Variants in DSP observed in about 807,000 individuals in gnomAD.
DSP encodes desmoplakin, also known as 250/210 kDa paraneoplastic pemphigus antigen.
In DSP, 114 loss-of-function variants were observed where a neutral mutation model predicts 290.6. That is an observed-to-expected ratio of 0.39 (90% CI 0.34 to 0.46). The LOEUF is 0.46. Ranked by LOEUF, DSP falls within the 20% of genes least tolerant of loss-of-function variation. The pLI, the probability that DSP is intolerant of heterozygous loss-of-function variation, is 0.99. For missense variants in DSP, 3,230 were observed against 3,495.8 expected (o/e 0.92, Z 1.92); for synonymous variants, 1,311 against 1,316.4 (o/e 1.00, Z 0.09).
At chr6:7,562,442 C>T (rs1758725055) in intron 4 of DSP, among the ~76,000 whole-genome samples, 1 of 151,648 alleles carries the variant, frequency 6.6e-6, no homozygotes, top group Non-Finnish European at 1.5e-5. Flanking sequence ...CTTCTCTGCC[C>T]ATCTTGAGCT....
chr6:7,570,616 C>T lies in DSP; in HGVS notation c.1701+53C>T, dbSNP rs575293141. 50 of 1,609,516 alleles carry T rather than the reference C, an allele frequency of 3.1e-5. No individual in the cohort carries two copies. The East Asian group carries it at 3.3e-4, about 11-fold the overall frequency. On this transcript the variant is annotated intron_variant, in intron 13 of 23. Coordinates refer to ENST00000379802, the MANE Select transcript of DSP (RefSeq NM_004415.4). ...CTGGAGGGAGGGCAGCGCTGCCCCC[C>T]GCAGTGCCTGTGTCCAACAGTTCAA...
At chr6:7,572,360 CA>C (rs1369870110) in intron 15 of DSP, among the ~76,000 whole-genome samples, 7 of 152,204 alleles carry the variant, frequency 4.6e-5, no homozygotes, top group African/African-American at 9.6e-5. Context: ...ATGGGTTAGA[CA>C]GGGGGAATGA....
chr6:7,555,810 T>C lies in DSP; in HGVS notation c.263T>C (p.Ile88Thr). 1 of 1,614,080 alleles carries C rather than the reference T, an allele frequency of 6.2e-7. No individual in the cohort carries two copies. The highest frequency in any genetic ancestry group is 1.1e-5 in the South Asian group (1 of 91,068). ...GACTGCTTGATGCGAGCAGAGCTCA[T>C]CGTGCAGCCTGTAAGCTTTCCCTGT... is the stretch of plus-strand genomic sequence containing the variant. ...CSDCLMRAEL[I>T]VQPELKYGDG... Residue 88 changes from isoleucine (I) to threonine (T), a missense_variant, in exon 2 of 24, where the codon ATC becomes ACC. Physicochemically the swap from Ile to Thr is moderately conservative, Grantham distance 89. Coordinates refer to ENST00000379802, the MANE Select transcript of DSP (RefSeq NM_004415.4).
Position 7,565,713 on chromosome 6 carries a change from A to C in DSP, c.939+193A>C. On this transcript the variant is annotated intron_variant, in intron 7 of 23. Transcript: ENST00000379802. This position sits in a 1 kb window ranked among gnomAD's most constrained non-coding sequence, Gnocchi z 4.2. ...GGAGGCCATTATCCTTAGCAAACTT[A>C]TGCGGGAACAGAAAACCAAATACCA... 1 of 666,040 alleles carries C rather than the reference A, an allele frequency of 1.5e-6. No homozygotes were observed. The highest frequency in any genetic ancestry group is 2.5e-6 in the Non-Finnish European group (1 of 395,806). 41.3% of individuals were successfully genotyped at this position (666,040 alleles called of 1,614,324 possible).
chr6:7,577,872 G>A lies in DSP; in HGVS notation c.2971G>A (p.Val991Met). 1 of 1,614,010 alleles carries A rather than the reference G, an allele frequency of 6.2e-7. No individual in the cohort carries two copies. The highest frequency in any genetic ancestry group is 8.5e-7 in the Non-Finnish European group (1 of 1,179,950). Reference sequence around the variant, plus strand: ...GACCATGATTCAGTCCCCTTCTGGGGTGATTCTGCAAGAGGTATATATGTC... The same window carrying A: ...GACCATGATTCAGTCCCCTTCTGGGATGATTCTGCAAGAGGTATATATGTC... ...KRTMIQSPSGVILQEAADVHA... is the reference protein window; with the variant it reads ...KRTMIQSPSGMILQEAADVHA... Residue 991 changes from valine (V) to methionine (M), a missense_variant, in exon 21 of 24, where the codon GTG becomes ATG. This residue lies in a region of DSP where 1,714 missense variants were observed against 1,844.5 expected (regional missense o/e 0.93). Transcript: ENST00000379802.
In DSP at chr6:7,584,658, G is replaced by A. The variant is rs745862520; in HGVS notation, c.7396G>A (p.Val2466Met). The A allele has an allele frequency of 3.1e-6, 5 of 1,613,948 alleles. No individual in the cohort carries two copies. In the African/African-American group the frequency reaches 4.0e-5, roughly 13 times the overall value. Residue 2466 changes from valine (V) to methionine (M), a missense_variant, in exon 24 of 24, where the codon GTG becomes ATG. By Grantham distance (21) the Val-to-Met change is conservative (BLOSUM62 1). Transcript: ENST00000379802. This position sits in a 1 kb window ranked among gnomAD's most constrained non-coding sequence, Gnocchi z 6.4. ...AAAGAATACCCTCAGGAAGCGTAGA[G>A]TGGTCATAGTTGACCCAGAAACCAA... ...SQKNTLRKRR[V>M]VIVDPETNKE...
At chr6:7,575,614 A>G in intron 18 of DSP, 126 bp downstream of exon 18, 1 of 1,148,962 alleles carries the variant, frequency 8.7e-7, no homozygotes, top group South Asian at 1.3e-5. Flanking sequence ...TAGGCGTAAC[A>G]GATGCTCTTT....
intron 1 of DSP, among the ~76,000 whole-genome samples, chr6:7,545,109 A>C (rs763100195): frequency 3.3e-5 from 5 of 152,234 alleles, no homozygotes; most frequent in Non-Finnish European, 1.5e-5. Context: ...TGGGAGGATT[A>C]AAAGCAGAAA....
At position 7,565,840 on chromosome 6, in the gene DSP, G is replaced by A. The variant is rs1376077327; in HGVS notation, c.939+320G>A. On this transcript the variant is annotated intron_variant, in intron 7 of 23. Coordinates refer to ENST00000379802, the MANE Select transcript of DSP (RefSeq NM_004415.4). This position sits in a 1 kb window ranked among gnomAD's most constrained non-coding sequence, Gnocchi z 4.2. ...CTTTCGGAGGGCAGAGGGTGGAGGT[G>A]GAAGGAGGGAGAGGATCAGGCAAGA... The A allele has an allele frequency of 4.9e-6, 2 of 404,844 alleles. No homozygotes were observed. The highest frequency in any genetic ancestry group is 9.3e-6 in the Non-Finnish European group (2 of 214,432). The allele number at this position is 404,844 out of a possible 1,614,324, so 25.1% of individuals were successfully genotyped here. A position where few individuals can be genotyped will look rare whatever the true frequency, so the allele number is the denominator to read the frequency against.
At chr6:7,556,198 G>C (rs1758502295) in intron 2 of DSP, among the ~76,000 whole-genome samples, 1 of 151,896 alleles carries the variant, frequency 6.6e-6, no homozygotes, top group South Asian at 2.1e-4. Flanking sequence ...CATCAATTTA[G>C]TATGATTTTT....
At chr6:7,558,664 C>T (rs1298087036) in intron 3 of DSP, among the ~76,000 whole-genome samples, 1 of 151,796 alleles carries the variant, frequency 6.6e-6, no homozygotes, top group Admixed American at 6.6e-5. Flanking sequence ...TCGGCATGTG[C>T]CATACCTAGC....
In DSP at chr6:7,581,314, T is replaced by A; in HGVS notation, c.5124T>A (p.Ser1708=). 1 of 1,614,124 alleles carries A rather than the reference T, an allele frequency of 6.2e-7. No individual in the cohort carries two copies. The highest frequency in any genetic ancestry group is 8.5e-7 in the Non-Finnish European group (1 of 1,180,044). Residue 1708 remains serine (S), a synonymous_variant, in exon 23 of 24, where the codon TCT becomes TCA. Transcript: ENST00000379802. ...AAATAGAAATTGAGAGGCTGCAGTC[T>A]CTCACAGAGAACCTGACCAAGGAGC... The part of the protein sequence containing the change: ...ESKIEIERLQ[S]LTENLTKEHL...
In DSP at chr6:7,580,800, G is replaced by T; in HGVS notation, c.4610G>T (p.Arg1537Leu). 1 of 1,614,124 alleles carries T rather than the reference G, an allele frequency of 6.2e-7. No homozygotes were observed. The highest frequency in any genetic ancestry group is 8.5e-7 in the Non-Finnish European group (1 of 1,180,034). The change falls in exon 23 of 24, where the codon CGC becomes CTC. Residue 1537 changes from arginine to leucine, a missense_variant. Around this residue, in one of 5 missense-constraint regions of DSP, gnomAD observed 1,714 missense variants for 1,844.5 expected, o/e 0.93. Transcript: ENST00000379802. The surrounding 1 kb of genome is among the most constrained non-coding windows in gnomAD (Gnocchi z 4.2). Reference sequence around the variant, plus strand: ...AAGGTTCAGGAGCAAGAACTGACACGCCTGAGGATCGACTATGAAAGGGTT... The same window carrying T: ...AAGGTTCAGGAGCAAGAACTGACACTCCTGAGGATCGACTATGAAAGGGTT... ...KLKVQEQELT[R>L]LRIDYERVSQ...
chr6:7,575,147 T>C (rs1357688570), intron 17 of DSP, 148 bp from the exon 18 acceptor site: 1 of 770,166 alleles, frequency 1.3e-6, no homozygotes, highest in Non-Finnish European at 2.1e-6. Flanking sequence ...ATTCAGTAAA[T>C]ATATTTCCCT....
Position 7,581,407 on chromosome 6 carries a change from C to T in DSP, c.5217C>T (p.Ser1739=), listed in dbSNP as rs748263306. The change falls in exon 23 of 24, where the codon AGC becomes AGT. Residue 1739 remains serine (S), a synonymous_variant. Coordinates refer to ENST00000379802, the MANE Select transcript of DSP (RefSeq NM_004415.4). ...LEYDDLRRGR[S]EADSDKNATI... ...ACGATGACCTGAGGAGAGGACGAAG[C>T]GAAGCGGACAGTGATAAAAATGCAA... The T allele has an allele frequency of 1.3e-5, 21 of 1,613,426 alleles. No homozygotes were observed. Among genetic ancestry groups the T allele is most frequent in the South Asian group, 4.4e-5 (4 of 91,016 alleles).
Position 7,584,848 on chromosome 6 carries a change from A to G in DSP, c.7586A>G (p.Asp2529Gly), listed in dbSNP as rs2113702714. The change falls in exon 24 of 24, where the codon GAT becomes GGT. Residue 2529 changes from aspartate (D) to glycine (G), a missense_variant. Transcript: ENST00000379802. This position sits in a 1 kb window ranked among gnomAD's most constrained non-coding sequence, Gnocchi z 6.4. ...GATAGAAAGACAGGCAGTCAGTATG[A>G]TATTCAAGATGCTATTGACAAGGGC... ...LVDRKTGSQYDIQDAIDKGLV... is the reference protein window; with the variant it reads ...LVDRKTGSQYGIQDAIDKGLV... 1 of 1,614,160 alleles carries G rather than the reference A, an allele frequency of 6.2e-7. No homozygotes were observed. Among genetic ancestry groups the G allele is most frequent in the Non-Finnish European group, 8.5e-7 (1 of 1,180,018 alleles).
At chr6:7,561,448 C>G (rs1438846760) in intron 4 of DSP, among the ~76,000 whole-genome samples, 1 of 152,178 alleles carries the variant, frequency 6.6e-6, no homozygotes, top group East Asian at 1.9e-4. Flanking sequence ...GACTGAGCTG[C>G]AGGGCCCAGC....
At chr6:7,559,083 T>C in intron 3 of DSP, 143 bp from the exon 4 acceptor site, 2 of 917,982 alleles carry the variant, frequency 2.2e-6, no homozygotes, top group Non-Finnish European at 3.3e-6. Flanking sequence ...AGTCCTGGGG[T>C]AAAGAAAAAA....
rs776040131 is a variant in DSP, at chr6:7,584,877, G to A, written c.7615G>A (p.Val2539Ile). ...TCAAGATGCTATTGACAAGGGCCTT[G>A]TTGACAGGAAGTTCTTTGATCAGTA... ...DIQDAIDKGL[V>I]DRKFFDQYRS... The change falls in exon 24 of 24, where the codon GTT becomes ATT. Residue 2539 changes from valine (V) to isoleucine (I), a missense_variant. Val to Ile is a conservative substitution (Grantham distance 29). Coordinates refer to ENST00000379802, the MANE Select transcript of DSP (RefSeq NM_004415.4). The surrounding 1 kb of genome is among the most constrained non-coding windows in gnomAD (Gnocchi z 6.4). The A allele has an allele frequency of 1.2e-6, 2 of 1,614,124 alleles. No homozygotes were observed. The highest frequency in any genetic ancestry group is 2.7e-5 in the African/African-American group (2 of 74,932).
Sources: allele counts gnomAD v4.1 joint callset (sites outside exome capture counted in the v4.1 genomes callset), GRCh38; gene constraint gnomAD v4.1.1; regional missense constraint gnomAD v4.1.1; non-coding constraint Gnocchi (gnomAD v3.1); transcripts MANE v1.5; gene names NCBI Gene and HGNC (gene_info 2026-07-23, HGNC 2026-07-21).